CHRNA7: variants seen among roughly 807,000 people sequenced by gnomAD.
The protein encoded by CHRNA7 is cholinergic receptor nicotinic alpha 7 subunit, also known as neuronal acetylcholine receptor subunit alpha-7.
CHRNA7 carries 17 observed loss-of-function variants against 48.0 expected under a neutral mutation model. That is an observed-to-expected ratio of 0.35 (90% confidence interval 0.24 to 0.53). The LOEUF is 0.53. Among genes scored for constraint, CHRNA7 ranks in the 20% least tolerant of loss-of-function variants. CHRNA7 has a pLI of 0.92. For synonymous variants in CHRNA7, 75 were observed against 242.3 expected, an observed-to-expected ratio of 0.31 and a Z score of 6.41; for missense variants, 155 against 577.7, an observed-to-expected ratio of 0.27 and a Z score of 7.50.
At chr15:32,062,252 G>T (rs954488890) in intron 2 of CHRNA7, among the ~76,000 whole-genome samples, 2 of 152,056 alleles carry the variant, frequency 1.3e-5, no homozygotes, top group African/African-American at 4.8e-5. Flanking sequence ...CCACTACCAC[G>T]CATAATTAAC....
rs771830954 is a variant in CHRNA7, at chr15:32,101,310, A to G, written c.203A>G (p.Lys68Arg). The part of the protein sequence containing the change: ...SLLQIMDVDE[K>R]NQVLTTNIWL... Reference sequence around the variant, plus strand: ...TTTTTTTTTTTTTTGAAGGATGAGAAGAACCAAGTTTTAACCACCAACATT... The same window carrying G: ...TTTTTTTTTTTTTTGAAGGATGAGAGGAACCAAGTTTTAACCACCAACATT... The change falls in exon 3 of 10, where the codon AAG becomes AGG. Residue 68 changes from lysine (K) to arginine (R), a missense_variant. Physicochemically the swap from Lys to Arg is conservative, Grantham distance 26. Coordinates refer to ENST00000306901, the MANE Select transcript of CHRNA7 (RefSeq NM_000746.6). The G allele has an allele frequency of 2.5e-6, 4 of 1,588,726 alleles. No individual in the cohort carries two copies. The highest frequency in any genetic ancestry group is 2.3e-5 in the East Asian group (1 of 44,336).
chr15:32,068,768 C>CTAATT (rs2050007115), intron 2 of CHRNA7, among the ~76,000 whole-genome samples: 1 of 151,794 alleles, frequency 6.6e-6, no homozygotes, highest in African/African-American at 2.4e-5. Context: ...CTAAAAAGAG[C>CTAATT]ATTTCATTGT....
chr15:32,137,623 TATATAG>T (rs1471724821), intron 4 of CHRNA7, among the ~76,000 whole-genome samples: 2 of 152,228 alleles, frequency 1.3e-5, no homozygotes, highest in Admixed American at 6.5e-5. Context: ...TCTTACCCAA[TATATAG>T]ATATAGATAC....
chr15:32,050,519 G>A (rs907455076), intron 2 of CHRNA7, among the ~76,000 whole-genome samples: 2 of 152,108 alleles, frequency 1.3e-5, no homozygotes, highest in Non-Finnish European at 2.9e-5. Flanking sequence ...GAACTTCTCT[G>A]TATTGGTTAT....
intron 2 of CHRNA7, among the ~76,000 whole-genome samples, chr15:32,050,994 C>T (rs1023184828): frequency 1.4e-4 from 21 of 152,126 alleles, no homozygotes; most frequent in African/African-American, 4.6e-4. Context: ...GCTGTCTGAT[C>T]GTTCCTCTGG....
rs2051578713 is a variant in CHRNA7 at position 32,149,632 on chromosome 15, A to G, written c.351-4275A>G. 6.6e-6 allele frequency among the ~76,000 whole-genome samples: 1 copy of G among 152,224 alleles called. No homozygotes were observed. The highest frequency in any genetic ancestry group is 2.4e-5 in the African/African-American group (1 of 41,456). The stretch of plus-strand genomic sequence containing the variant: ...GCCTATGGGAAAGAAGCGTAAAACT[A>G]CCATCATGGGTATTAAGATTTGGAT... On this transcript the variant is annotated intron_variant, in intron 4 of 9. Transcript: ENST00000306901. The surrounding 1 kb of genome is among the most constrained non-coding windows in gnomAD (Gnocchi z 4.6).
intron 4 of CHRNA7, among the ~76,000 whole-genome samples, chr15:32,117,024 A>G (rs1276586690): frequency 6.6e-6 from 1 of 152,070 alleles, no homozygotes; most frequent in Non-Finnish European, 1.5e-5. Context: ...TGTGCTCATC[A>G]TTGTTGCCAA....
chr15:32,085,068 A>G lies in CHRNA7; in HGVS notation c.196-16235A>G, dbSNP rs574312507. 2.0e-5 allele frequency among the ~76,000 whole-genome samples: 3 copies of G among 152,202 alleles called. No homozygotes were observed. The East Asian group carries it at 5.8e-4, about 29-fold the overall frequency. On this transcript the variant is annotated intron_variant, in intron 2 of 9. Coordinates refer to ENST00000306901, the MANE Select transcript of CHRNA7 (RefSeq NM_000746.6). ...GGCCTCGAACTCCTGACCTCAGGTG[A>G]TCCACCTGCCTTAGCCTCCCAAAGT...
intron 4 of CHRNA7, among the ~76,000 whole-genome samples, chr15:32,123,599 A>G (rs1431755132): frequency 3.3e-5 from 5 of 152,212 alleles, no homozygotes; most frequent in African/African-American, 1.2e-4. Flanking sequence ...CGAGCCTGGC[A>G]TAAATCTCCT....
At chr15:32,070,285 A>G (rs529886849) in intron 2 of CHRNA7, among the ~76,000 whole-genome samples, 3 of 152,258 alleles carry the variant, frequency 2.0e-5, no homozygotes, top group South Asian at 4.1e-4. Context: ...CCAGGCAACC[A>G]CTAATCTGAT....
chr15:32,069,799 C>A (rs2141216370), intron 2 of CHRNA7, among the ~76,000 whole-genome samples: 1 of 152,136 alleles, frequency 6.6e-6, no homozygotes, highest in East Asian at 1.9e-4. Flanking sequence ...GAAAAGAGAT[C>A]TAGGTTGCTT....
intron 2 of CHRNA7, among the ~76,000 whole-genome samples, chr15:32,040,269 C>A (rs948293673): frequency 6.6e-6 from 1 of 151,948 alleles, no homozygotes; most frequent in Non-Finnish European, 1.5e-5. Flanking sequence ...GGATCAATAA[C>A]TATCATATTT....
intron 4 of CHRNA7, among the ~76,000 whole-genome samples, chr15:32,123,962 G>A (rs2051019304): frequency 5.8e-5 from 4 of 68,526 alleles, no homozygotes; most frequent in South Asian, 5.6e-4. Context: ...AGAAAATCTG[G>A]CCAAAAAAAA....
intron 4 of CHRNA7, among the ~76,000 whole-genome samples, chr15:32,119,381 A>G (rs541393440): frequency 8.5e-5 from 13 of 152,352 alleles, no homozygotes; most frequent in Admixed American, 2.6e-4. Context: ...TCATGATTTT[A>G]TCTTTTAAAA....
At chr15:32,101,208 G>A (rs766120402) in intron 2 of CHRNA7, 95 bp from the exon 3 acceptor site, 23 of 1,321,974 alleles carry the variant, frequency 1.7e-5, no homozygotes, top group Non-Finnish European at 2.2e-5. Context: ...ACACAACAAC[G>A]CTCTCGACAG....
chr15:32,104,280 C>G (rs973090146), intron 3 of CHRNA7, among the ~76,000 whole-genome samples: 2 of 152,074 alleles, frequency 1.3e-5, no homozygotes, highest in Non-Finnish European at 2.9e-5. Context: ...GTGCCCCCCC[C>G]TCAGGGCCTT....
chr15:32,050,932 G>T (rs2141187445), intron 2 of CHRNA7, among the ~76,000 whole-genome samples: 1 of 152,290 alleles, frequency 6.6e-6, no homozygotes, highest in African/African-American at 2.4e-5. Context: ...GTTTGCCTGG[G>T]TATCAGCAGC....
At chr15:32,136,018 G>A (rs369733065) in intron 4 of CHRNA7, among the ~76,000 whole-genome samples, 14 of 152,114 alleles carry the variant, frequency 9.2e-5, no homozygotes, top group East Asian at 7.7e-4. Context: ...AGACATTCTC[G>A]GGAAAACATA....
chr15:32,086,370 A>AAAAAAAAAAAAAAAAAAT (rs2050297569), intron 2 of CHRNA7, among the ~76,000 whole-genome samples: 1 of 2,022 alleles, frequency 4.9e-4, no homozygotes. Flanking sequence ...TCCATCTCAA[A>AAAAAAAAAAAAAAAAAAT]AAAAAAAAAA....
Sources: allele counts gnomAD v4.1 joint callset (sites outside exome capture counted in the v4.1 genomes callset), GRCh38; gene constraint gnomAD v4.1.1; non-coding constraint Gnocchi (gnomAD v3.1); transcripts MANE v1.5; gene names NCBI Gene and HGNC (gene_info 2026-07-23, HGNC 2026-07-21).